The following OSBPL3 variants were observed in gnomAD, a reference collection of about 807,000 sequenced individuals.
The protein encoded by OSBPL3 is oxysterol-binding protein-related protein 3.
OSBPL3 carries 65 observed loss-of-function variants against 120.1 expected under a neutral mutation model. The observed-to-expected ratio is 0.54, with a 90% CI of 0.44 to 0.67. OSBPL3 has a LOEUF of 0.67. OSBPL3 is among the 30% of genes least tolerant of loss of function. The probability of loss-of-function intolerance (pLI) is 0.00; values close to 1 mark genes in which losing one functional copy is unlikely to be tolerated. For missense variants in OSBPL3, 1,004 were observed against 1,082.1 expected (o/e 0.93, Z 1.01); for synonymous variants, 416 against 402.6 (o/e 1.03, Z -0.40).
rs1018855684 is a variant in OSBPL3, at chr7:24,940,011, T to C, written c.-150+39875A>G. On this transcript the variant is annotated intron_variant, in intron 1 of 22. Coordinates refer to ENST00000313367, the MANE Select transcript of OSBPL3 (RefSeq NM_015550.4). The surrounding 1 kb of genome is among the most constrained non-coding windows in gnomAD (Gnocchi z 4.4). The stretch of plus-strand genomic sequence containing the variant: ...CAGAACTAAAAGAAAGAAAGAAAAA[T>C]AAATACATAAATAAATAAAGTTGGG... 2.5e-4 allele frequency among the ~76,000 whole-genome samples: 38 copies of C among 151,902 alleles called. No individual in the cohort carries two copies. Among genetic ancestry groups the C allele is most frequent in the African/African-American group, 8.5e-4 (35 of 41,350 alleles).
Position 24,972,508 on chromosome 7 carries a change from C to T in OSBPL3, c.-150+7378G>A, listed in dbSNP as rs142722032. On this transcript the variant is annotated intron_variant, in intron 1 of 22. Coordinates refer to ENST00000313367, the MANE Select transcript of OSBPL3 (RefSeq NM_015550.4). The surrounding 1 kb of genome is among the most constrained non-coding windows in gnomAD (Gnocchi z 4.3). Reference sequence around the variant, plus strand: ...TGCAACTCTTTAATGTCTATATCCCCTTCTAGTCTGTAAGCTCCTTGAAGG... The same window carrying T: ...TGCAACTCTTTAATGTCTATATCCCTTTCTAGTCTGTAAGCTCCTTGAAGG... Among the ~76,000 whole-genome samples, 73 of 152,338 alleles carry T rather than the reference C, an allele frequency of 4.8e-4. 1 individual carries two copies. Among genetic ancestry groups the T allele is most frequent in the African/African-American group, 1.3e-3 (54 of 41,576 alleles).
In OSBPL3 at chr7:24,808,799, ACC is replaced by A. The variant is rs1030531360; in HGVS notation, c.2317+1006_2317+1007del. On this transcript the variant is annotated intron_variant, in intron 20 of 22. Transcript: ENST00000313367. The surrounding 1 kb of genome is among the most constrained non-coding windows in gnomAD (Gnocchi z 4.6). ...GTGACTGGTTCACGGATGGGTCTGA[ACC>A]CACTGCAGGCTGACGTGATATAAAG... is the stretch of plus-strand genomic sequence containing the variant. 1.3e-5 allele frequency among the ~76,000 whole-genome samples: 2 copies of A among 152,122 alleles called. No individual in the cohort carries two copies. The highest frequency in any genetic ancestry group is 4.8e-5 in the African/African-American group (2 of 41,408).
chr7:24,926,747 A>G (rs187837002), intron 1 of OSBPL3, among the ~76,000 whole-genome samples: 1 of 152,292 alleles, frequency 6.6e-6, no homozygotes, highest in East Asian at 1.9e-4. Flanking sequence ...ATATATTACA[A>G]CACTATTACA....
chr7:24,892,441 GAC>G lies in OSBPL3; in HGVS notation c.30_31del (p.Ser11ProfsTer12). 6.2e-7 allele frequency: 1 copy of G among 1,613,624 alleles called. No homozygotes were observed. The highest frequency in any genetic ancestry group is 8.5e-7 in the Non-Finnish European group (1 of 1,179,674). On this transcript the variant is annotated frameshift_variant, in exon 2 of 23. Coordinates refer to ENST00000313367, the MANE Select transcript of OSBPL3 (RefSeq NM_015550.4). LOFTEE classifies it high-confidence loss of function. ...CCTTGAAGGTGATACCAATTTTTGGGACACACCAAGGTTCTTCTCATCACTCA... is the reference window on the plus strand; with the variant it reads ...CCTTGAAGGTGATACCAATTTTTGGGACACCAAGGTTCTTCTCATCACTCA...
rs183719653 is a variant in OSBPL3, at chr7:24,862,670, T to C, written c.870+530A>G. Among the ~76,000 whole-genome samples the C allele has an allele frequency of 4.5e-4, 69 of 152,298 alleles. No individual in the cohort carries two copies. Among genetic ancestry groups the C allele is most frequent in the African/African-American group, 1.6e-3 (66 of 41,574 alleles). ...TGCAAATCTTGGCCTGTGGCTTAGCTGTGCATTGGGAAAGCTCCTAGCATG... is the reference window on the plus strand; with the variant it reads ...TGCAAATCTTGGCCTGTGGCTTAGCCGTGCATTGGGAAAGCTCCTAGCATG... On this transcript the variant is annotated intron_variant, in intron 9 of 22. Transcript: ENST00000313367. This position sits in a 1 kb window ranked among gnomAD's most constrained non-coding sequence, Gnocchi z 4.4.
intron 1 of OSBPL3, among the ~76,000 whole-genome samples, chr7:24,957,338 T>C (rs2128508267): frequency 1.3e-5 from 2 of 152,182 alleles, no homozygotes; most frequent in East Asian, 3.9e-4. Flanking sequence ...AATCTTCAGG[T>C]TGCATTAAGC....
chr7:24,806,686 A>T lies in OSBPL3; in HGVS notation c.2444+90T>A, dbSNP rs917996651. On this transcript the variant is annotated intron_variant, in intron 21 of 22. Coordinates refer to ENST00000313367, the MANE Select transcript of OSBPL3 (RefSeq NM_015550.4). This position sits in a 1 kb window ranked among gnomAD's most constrained non-coding sequence, Gnocchi z 5.2. ...CCTGATGACATTTTCCACCTTTCTC[A>T]GGTGCCTCTGGTGGCCTAAGGATTG... 8 of 1,174,524 alleles carry T rather than the reference A, an allele frequency of 6.8e-6. No homozygotes were observed. Among genetic ancestry groups the T allele is most frequent in the Non-Finnish European group, 8.5e-6 (7 of 828,108 alleles). 72.8% of individuals were successfully genotyped at this position (1,174,524 alleles called of 1,614,324 possible).
chr7:24,977,401 A>G (rs1278453668), intron 1 of OSBPL3, among the ~76,000 whole-genome samples: 1 of 152,200 alleles, frequency 6.6e-6, no homozygotes, highest in East Asian at 1.9e-4. Flanking sequence ...TTCTATCATG[A>G]GTTAACATCT....
At position 24,834,443 on chromosome 7, in the gene OSBPL3, G is replaced by T; in HGVS notation, c.1746+43C>A. The T allele has an allele frequency of 6.4e-7, 1 of 1,574,008 alleles. No homozygotes were observed. The highest frequency in any genetic ancestry group is 1.8e-5 in the Admixed American group (1 of 54,676). On this transcript the variant is annotated intron_variant, in intron 15 of 22. Transcript: ENST00000313367. The surrounding 1 kb of genome is among the most constrained non-coding windows in gnomAD (Gnocchi z 5.2). ...GCCCCGTGAATGGCCTCGTGGCTTG[G>T]GGACCGAGGCTGGACAGTGGCAAGG...
At position 24,842,431 on chromosome 7, in the gene OSBPL3, C is replaced by T. The variant is rs765202864; in HGVS notation, c.1267-18G>A. ...GAGTTTTCCTATTTGAAGAACAAAA[C>T]CAAAAATGTATACATTTAAAAACAT... On this transcript the variant is annotated intron_variant, in intron 12 of 22. Coordinates refer to ENST00000313367, the MANE Select transcript of OSBPL3 (RefSeq NM_015550.4). 2 of 1,568,338 alleles carry T rather than the reference C, an allele frequency of 1.3e-6. No homozygotes were observed. Among genetic ancestry groups the T allele is most frequent in the Non-Finnish European group, 1.7e-6 (2 of 1,156,012 alleles).
intron 1 of OSBPL3, among the ~76,000 whole-genome samples, chr7:24,909,315 T>G (rs564974489): frequency 6.6e-6 from 1 of 152,302 alleles, no homozygotes; most frequent in South Asian, 2.1e-4. Context: ...GGCTTGTGAC[T>G]AAGGGCTGCC....
chr7:24,797,803 T>G lies in OSBPL3; in HGVS notation c.*2380A>C, dbSNP rs966872073. On this transcript the variant is annotated 3_prime_UTR_variant, in exon 23 of 23. Transcript: ENST00000313367. This position sits in a 1 kb window ranked among gnomAD's most constrained non-coding sequence, Gnocchi z 4.8. ...GATTAGCATTATTTAACCAGGAGAT[T>G]TAAAGTCCAGAAAATTAAATTCTAC... The G allele has an allele frequency of 7.2e-5, 11 of 152,168 alleles. No homozygotes were observed. The highest frequency in any genetic ancestry group is 2.7e-4 in the African/African-American group (11 of 41,424). 9.4% of individuals were successfully genotyped at this position (152,168 alleles called of 1,614,324 possible).
At chr7:24,957,191 T>A (rs1815167824) in intron 1 of OSBPL3, among the ~76,000 whole-genome samples, 1 of 150,898 alleles carries the variant, frequency 6.6e-6, no homozygotes, top group Admixed American at 6.6e-5. Flanking sequence ...GTCACATTAA[T>A]CTACACTTTG....
Position 24,953,115 on chromosome 7 carries a change from C to A in OSBPL3, c.-150+26771G>T, listed in dbSNP as rs372536625. ...TCACACCACTGTGCTCCAGCCTGGA[C>A]GACAGAGTGAGACCCCGTCTCTAAA... On this transcript the variant is annotated intron_variant, in intron 1 of 22. Transcript: ENST00000313367. The surrounding 1 kb of genome is among the most constrained non-coding windows in gnomAD (Gnocchi z 4.3). Among the ~76,000 whole-genome samples the A allele has an allele frequency of 6.6e-6, 1 of 152,124 alleles. No homozygotes were observed. Among genetic ancestry groups the A allele is most frequent in the Non-Finnish European group, 1.5e-5 (1 of 68,032 alleles).
At position 24,820,563 on chromosome 7, in the gene OSBPL3, A is replaced by T. The variant is rs575828779; in HGVS notation, c.1885-325T>A. Among the ~76,000 whole-genome samples the T allele has an allele frequency of 7.9e-5, 12 of 152,220 alleles. No individual in the cohort carries two copies. Among genetic ancestry groups the T allele is most frequent in the Non-Finnish European group, 1.5e-4 (10 of 68,024 alleles). ...AAAATAAAAACGGAGACATGTGAGG[A>T]CTGCTCATCCATAACATATAATCTG... On this transcript the variant is annotated intron_variant, in intron 16 of 22. Transcript: ENST00000313367. This position sits in a 1 kb window ranked among gnomAD's most constrained non-coding sequence, Gnocchi z 4.6.
chr7:24,823,371 AT>A (rs1306396661), intron 16 of OSBPL3, among the ~76,000 whole-genome samples: 1 of 152,112 alleles, frequency 6.6e-6, no homozygotes, highest in East Asian at 1.9e-4. Context: ...CAAAATATAG[AT>A]TTCTAAAATG....
Position 24,863,126 on chromosome 7 carries a change from A to G in OSBPL3, c.870+74T>C. ...CTCATCTATTCTCCTAGCTGAGTCA[A>G]GGTAGCTGCTGGCACACGGCATGCA... On this transcript the variant is annotated intron_variant, in intron 9 of 22. Coordinates refer to ENST00000313367, the MANE Select transcript of OSBPL3 (RefSeq NM_015550.4). The surrounding 1 kb of genome is among the most constrained non-coding windows in gnomAD (Gnocchi z 5.8). 1 of 1,011,044 alleles carries G rather than the reference A, an allele frequency of 9.9e-7. No homozygotes were observed. The highest frequency in any genetic ancestry group is 1.6e-6 in the Non-Finnish European group (1 of 631,242). The allele number at this position is 1,011,044 out of a possible 1,614,324, so 62.6% of individuals were successfully genotyped here.
intron 10 of OSBPL3, among the ~76,000 whole-genome samples, chr7:24,858,317 C>T (rs912369305): frequency 6.6e-5 from 10 of 152,060 alleles, no homozygotes; most frequent in Admixed American, 3.9e-4. Context: ...GTGATGCAGT[C>T]GAGAAAGTAC....
chr7:24,901,021 GAA>G (rs11395096), intron 1 of OSBPL3, among the ~76,000 whole-genome samples: 12 of 128,520 alleles, frequency 9.3e-5, no homozygotes, highest in Admixed American at 2.4e-4. Context: ...ACCTTGTCTC[GAA>G]AAAAAAAAAA....
Sources: allele counts gnomAD v4.1 joint callset (sites outside exome capture counted in the v4.1 genomes callset), GRCh38; gene constraint gnomAD v4.1.1; non-coding constraint Gnocchi (gnomAD v3.1); transcripts MANE v1.5; gene names NCBI Gene and HGNC (gene_info 2026-07-23, HGNC 2026-07-21).